The following PLCL1 variants were observed in gnomAD, a reference collection of about 807,000 sequenced individuals.
PLCL1 encodes phospholipase C like 1 (inactive), also known as inactive phospholipase C-like protein 1.
A neutral mutation model predicts 84.4 loss-of-function variants in PLCL1; 41 were observed. That is an observed-to-expected ratio of 0.49 (90% CI 0.38 to 0.63). The LOEUF (loss-of-function observed/expected upper bound fraction) is 0.63. Ranked by LOEUF, PLCL1 falls within the 30% of genes least tolerant of loss-of-function variation. The pLI, the probability that PLCL1 is intolerant of heterozygous loss-of-function variation, is 0.00. For missense variants in PLCL1, 1,206 were observed against 1,367.8 expected (o/e 0.88, Z 1.87); for synonymous variants, 490 against 488.3 (o/e 1.00, Z -0.05).
intron 1 of PLCL1, among the ~76,000 whole-genome samples, chr2:198,029,193 G>A (rs1392735077): frequency 6.6e-6 from 1 of 152,112 alleles, no homozygotes; most frequent in Admixed American, 6.6e-5. Context: ...TTTCCTGTCT[G>A]GCTTTTCTGA....
At chr2:198,020,945 A>T (rs1574251847) in intron 1 of PLCL1, among the ~76,000 whole-genome samples, 1 of 152,214 alleles carries the variant, frequency 6.6e-6, no homozygotes, top group African/African-American at 2.4e-5. Flanking sequence ...CAGAATATAC[A>T]TTCTTCTCAG....
intron 1 of PLCL1, among the ~76,000 whole-genome samples, chr2:197,875,658 A>G (rs1188653730): frequency 2.0e-5 from 3 of 151,908 alleles, no homozygotes; most frequent in Non-Finnish European, 4.4e-5. Context: ...ATAACACCCA[A>G]TCTTCCTGTT....
chr2:198,094,609 T>C (rs1405350778), intron 3 of PLCL1, among the ~76,000 whole-genome samples: 1 of 152,200 alleles, frequency 6.6e-6, no homozygotes, highest in Non-Finnish European at 1.5e-5. Context: ...AGACTTTTTA[T>C]CTTTTTTAAA....
intron 1 of PLCL1, among the ~76,000 whole-genome samples, chr2:197,982,385 T>C (rs1025906213): frequency 6.6e-6 from 1 of 152,156 alleles, no homozygotes; most frequent in Non-Finnish European, 1.5e-5. Context: ...GAGGGCTAGT[T>C]AGGAATTTGC....
intron 5 of PLCL1, among the ~76,000 whole-genome samples, chr2:198,142,006 T>G (rs1484002030): frequency 6.6e-6 from 1 of 152,180 alleles, no homozygotes; most frequent in Non-Finnish European, 1.5e-5. Flanking sequence ...CTAGTTATGA[T>G]GTTCTCCTGC....
chr2:197,910,604 A>G (rs575159202), intron 1 of PLCL1, among the ~76,000 whole-genome samples: 2 of 152,366 alleles, frequency 1.3e-5, no homozygotes, highest in South Asian at 4.1e-4. Context: ...GCTTTGAAGC[A>G]GAATCTTCAT....
chr2:198,088,817 C>T, intron 2 of PLCL1, 41 bp from the exon 3 acceptor site: 1 of 1,168,044 alleles, frequency 8.6e-7, no homozygotes, highest in Non-Finnish European at 1.3e-6. Flanking sequence ...GGTGATGTGT[C>T]AGGTGGTCAG....
At chr2:198,016,112 A>G (rs193226659) in intron 1 of PLCL1, among the ~76,000 whole-genome samples, 1 of 152,254 alleles carries the variant, frequency 6.6e-6, no homozygotes, top group African/African-American at 2.4e-5. Flanking sequence ...CTAATGCCTC[A>G]CTCAGTGGGG....
At chr2:197,944,575 G>A (rs1689232954) in intron 1 of PLCL1, among the ~76,000 whole-genome samples, 1 of 152,178 alleles carries the variant, frequency 6.6e-6, no homozygotes. Flanking sequence ...AGTTTGTGTT[G>A]TGTAAATACT....
At chr2:198,065,535 G>A (rs1046962340) in intron 1 of PLCL1, among the ~76,000 whole-genome samples, 1 of 152,080 alleles carries the variant, frequency 6.6e-6, no homozygotes. Flanking sequence ...CCCTATTAAT[G>A]TATGTTTCCT....
chr2:198,083,483 G>C (rs1018772130), intron 1 of PLCL1, among the ~76,000 whole-genome samples: 1 of 152,276 alleles, frequency 6.6e-6, no homozygotes, highest in South Asian at 2.1e-4. Context: ...TAAGAAATCT[G>C]CTTTAATGAA....
In PLCL1 at chr2:197,909,339, T is replaced by C. The variant is rs962977771; in HGVS notation, c.240+104000T>C. ...TCTTTTCTTTTTCTCTTTTTTTTTTTCCTTTTTTGCTAAGGAACAGAAGTG... is the reference window on the plus strand; with the variant it reads ...TCTTTTCTTTTTCTCTTTTTTTTTTCCCTTTTTTGCTAAGGAACAGAAGTG... On this transcript the variant is annotated intron_variant, in intron 1 of 5. Coordinates refer to ENST00000428675, the MANE Select transcript of PLCL1 (RefSeq NM_006226.4). Among the ~76,000 whole-genome samples, 6 of 151,716 alleles carry C rather than the reference T, an allele frequency of 4.0e-5. No individual in the cohort carries two copies. The East Asian group carries it at 9.7e-4, about 24-fold the overall frequency.
Position 198,086,078 on chromosome 2 carries a change from G to A in PLCL1, c.2561G>A (p.Gly854Glu). 6.2e-7 allele frequency: 1 copy of A among 1,614,118 alleles called. No individual in the cohort carries two copies. Among genetic ancestry groups the A allele is most frequent in the African/African-American group, 1.3e-5 (1 of 75,032 alleles). ...HIAITNRSGG[G>E]KAQKRSLSVR... ...GCAATAACTAATCGAAGTGGAGGAGGAAAGGCACAGAAGCGCAGTCTTTCA... is the reference window on the plus strand; with the variant it reads ...GCAATAACTAATCGAAGTGGAGGAGAAAAGGCACAGAAGCGCAGTCTTTCA... Residue 854 changes from glycine to glutamate, a missense_variant, in exon 2 of 6, where the codon GGA becomes GAA. Transcript: ENST00000428675.
chr2:197,980,126 G>A (rs1028810633), intron 1 of PLCL1, among the ~76,000 whole-genome samples: 2 of 152,190 alleles, frequency 1.3e-5, no homozygotes, highest in African/African-American at 4.8e-5. Flanking sequence ...GAAAGCGGAA[G>A]AGAAGAGAAC....
chr2:197,941,619 A>G (rs1195259356), intron 1 of PLCL1, among the ~76,000 whole-genome samples: 3 of 152,232 alleles, frequency 2.0e-5, no homozygotes, highest in Non-Finnish European at 4.4e-5. Context: ...ATTAAATAAA[A>G]AAGAATGAGA....
At chr2:198,091,685 AAAAATAAAATAAAATAAAATAAAAT>A (rs567680554) in intron 3 of PLCL1, among the ~76,000 whole-genome samples, 3,517 of 118,172 alleles carry the variant, frequency 0.03, 91 homozygotes, top group African/African-American at 0.054. Context: ...ATCTCAAATA[AAAAATAAAATAAAATAAAATAAAAT>A]AAAATAAAAT....
chr2:198,143,097 G>T (rs1210624439), intron 5 of PLCL1, among the ~76,000 whole-genome samples: 1 of 152,062 alleles, frequency 6.6e-6, no homozygotes, highest in East Asian at 1.9e-4. Context: ...AGAATGACTT[G>T]TTAGGTTACT....
At chr2:198,063,277 A>G (rs1022034966) in intron 1 of PLCL1, among the ~76,000 whole-genome samples, 2 of 152,180 alleles carry the variant, frequency 1.3e-5, no homozygotes, top group African/African-American at 4.8e-5. Context: ...AATATGGAGC[A>G]CAGATGGAAA....
chr2:198,104,822 A>G (rs770775045), intron 5 of PLCL1, among the ~76,000 whole-genome samples: 27 of 152,004 alleles, frequency 1.8e-4, no homozygotes, highest in Non-Finnish European at 3.4e-4. Context: ...GGCCGCGTAT[A>G]TGTCTTCTTT....
Sources: gnomAD v4.1 joint callset for allele counts (sites outside exome capture counted in the v4.1 genomes callset) on GRCh38, gnomAD v4.1.1 for gene constraint, MANE v1.5 for transcripts, NCBI Gene and HGNC (gene_info 2026-07-23, HGNC 2026-07-21) for gene names.